AJAP1: variants seen among roughly 807,000 people sequenced by gnomAD.
The protein encoded by AJAP1 is adherens junction-associated protein 1.
A neutral mutation model predicts 35.0 loss-of-function variants in AJAP1; 5 were observed. The observed-to-expected ratio is 0.14, with a 90% CI of 0.07 to 0.30. AJAP1 has a LOEUF of 0.30. Ranked by LOEUF, AJAP1 falls within the 10% of genes least tolerant of loss-of-function variation. AJAP1 has a pLI of 1.00. For synonymous variants in AJAP1, 284 were observed against 249.3 expected (o/e 1.14, Z -1.31); for missense variants, 586 against 571.0 (o/e 1.03, Z -0.27).
chr1:4,765,292 A>C (rs1641658728), intron 2 of AJAP1, among the ~76,000 whole-genome samples: 1 of 152,110 alleles, frequency 6.6e-6, no homozygotes, highest in African/African-American at 2.4e-5. Context: ...GGGCATAGAG[A>C]GTGTGCTCCC....
In AJAP1 at chr1:4,783,467, GTGTGTATATATATATATATATATA is replaced by G. The variant is rs1642104734; in HGVS notation, c.*984_*1007del. 3.2e-5 allele frequency: 1 copy of G among 31,364 alleles called. No individual in the cohort carries two copies. Among genetic ancestry groups the G allele is most frequent in the Non-Finnish European group, 5.1e-5 (1 of 19,652 alleles). 1.9% of individuals were successfully genotyped at this position (31,364 alleles called of 1,614,324 possible). A position where few individuals can be genotyped will look rare whatever the true frequency, so the allele number is the denominator to read the frequency against. On this transcript the variant is annotated 3_prime_UTR_variant, in exon 6 of 6. Transcript: ENST00000378191. ...AAGAATGCCAAGGTTTTATATATGTGTGTGTATATATATATATATATATATATATATATATATATATATGTTTGT... is the reference window on the plus strand; with the variant it reads ...AAGAATGCCAAGGTTTTATATATGTGTATATATATATATATATATGTTTGT...
intron 1 of AJAP1, among the ~76,000 whole-genome samples, chr1:4,698,178 C>A (rs1639909213): frequency 6.6e-6 from 1 of 152,250 alleles, no homozygotes; most frequent in Admixed American, 6.5e-5. Flanking sequence ...GCGTGTTTCC[C>A]CGTCACTATG....
In AJAP1 at chr1:4,779,226, G is replaced by T. The variant is rs184841300; in HGVS notation, c.*60-3319G>T. ...AACTTGAAATCAGGGAAGCTGGAAC[G>T]TAGAGAGGAAGAAGAAGAGGAAGAG... is the stretch of plus-strand genomic sequence containing the variant. On this transcript the variant is annotated intron_variant, in intron 5 of 5. Coordinates refer to ENST00000378191, the MANE Select transcript of AJAP1 (RefSeq NM_018836.4). Among the ~76,000 whole-genome samples, 407 of 152,328 alleles carry T rather than the reference G, an allele frequency of 2.7e-3. 3 individuals are homozygous for T. Among genetic ancestry groups the T allele is most frequent in the African/African-American group, 7.5e-3 (311 of 41,580 alleles).
chr1:4,696,047 T>C (rs1242187066), intron 1 of AJAP1, among the ~76,000 whole-genome samples: 1 of 151,944 alleles, frequency 6.6e-6, no homozygotes, highest in Non-Finnish European at 1.5e-5. Context: ...AGTGGAGAAT[T>C]GTGTGTGTCT....
chr1:4,680,378 A>G (rs1639455921), intron 1 of AJAP1, among the ~76,000 whole-genome samples: 1 of 152,186 alleles, frequency 6.6e-6, no homozygotes. Flanking sequence ...CCTCATCTTA[A>G]ATACATCTTC....
Position 4,655,043 on chromosome 1 carries a change from C to T in AJAP1, c.-383C>T, listed in dbSNP as rs2100495395. The T allele has an allele frequency of 1.3e-5, 2 of 150,888 alleles. No homozygotes were observed. The highest frequency in any genetic ancestry group is 6.6e-5 in the Admixed American group (1 of 15,176). The allele number at this position is 150,888 out of a possible 1,614,324, so 9.3% of individuals were successfully genotyped here. On this transcript the variant is annotated 5_prime_UTR_variant, in exon 1 of 6. Transcript: ENST00000378191. This position sits in a 1 kb window ranked among gnomAD's most constrained non-coding sequence, Gnocchi z 6.9. ...GAGCGGCAGCGCCGCCGGCCTCCCT[C>T]CTCGCCGCCCCGGAGGGCGAAGCCG... is the stretch of plus-strand genomic sequence containing the variant.
chr1:4,663,192 T>A (rs543721389), intron 1 of AJAP1, among the ~76,000 whole-genome samples: 1 of 152,182 alleles, frequency 6.6e-6, no homozygotes, highest in African/African-American at 2.4e-5. Context: ...TTGCCCAGGC[T>A]GGTCTCAAAT....
At chr1:4,776,840 A>G (rs1219858183) in intron 5 of AJAP1, among the ~76,000 whole-genome samples, 1 of 151,786 alleles carries the variant, frequency 6.6e-6, no homozygotes, top group African/African-American at 2.4e-5. Context: ...TAAAGAGCTG[A>G]CCCCCTCCCT....
rs772393541 is a variant in AJAP1, at chr1:4,684,689, C to T, written c.30-27211C>T. Among the ~76,000 whole-genome samples the T allele has an allele frequency of 7.8e-4, 119 of 152,276 alleles. 1 individual carries two copies. Among genetic ancestry groups the T allele is most frequent in the Admixed American group, 3.4e-3 (52 of 15,306 alleles). Reference sequence around the variant, plus strand: ...ACATCATTCAAGACAGACATCTATCCATTTCACAGGTGGGAACCCTGAGGC... The same window carrying T: ...ACATCATTCAAGACAGACATCTATCTATTTCACAGGTGGGAACCCTGAGGC... On this transcript the variant is annotated intron_variant, in intron 1 of 5. Transcript: ENST00000378191.
chr1:4,697,102 T>C (rs1639880787), intron 1 of AJAP1, among the ~76,000 whole-genome samples: 1 of 152,226 alleles, frequency 6.6e-6, no homozygotes, highest in Non-Finnish European at 1.5e-5. Context: ...TTTCTGTATA[T>C]GCATGTATCA....
At chr1:4,770,020 C>T in intron 3 of AJAP1, 80 bp downstream of exon 3, 1 of 1,249,568 alleles carries the variant, frequency 8.0e-7, no homozygotes, top group Non-Finnish European at 1.2e-6. Context: ...AAGGCCCCTA[C>T]TTTTCAAAGC....
chr1:4,715,798 T>G (rs1216888507), intron 2 of AJAP1, among the ~76,000 whole-genome samples: 1 of 152,256 alleles, frequency 6.6e-6, no homozygotes, highest in Non-Finnish European at 1.5e-5. Flanking sequence ...TATTCGTTGT[T>G]TTTATACCCA....
intron 1 of AJAP1, among the ~76,000 whole-genome samples, chr1:4,682,939 T>G (rs1434050562): frequency 6.6e-6 from 1 of 152,092 alleles, no homozygotes; most frequent in African/African-American, 2.4e-5. Flanking sequence ...TGAGAATGAT[T>G]GTGATTATTC....
intron 2 of AJAP1, among the ~76,000 whole-genome samples, chr1:4,721,055 A>G (rs1203846317): frequency 6.6e-6 from 1 of 152,240 alleles, no homozygotes; most frequent in Non-Finnish European, 1.5e-5. Context: ...ACATAGCTGG[A>G]ATAGCACTTT....
At chr1:4,776,156 G>A (rs370831914) in intron 5 of AJAP1, among the ~76,000 whole-genome samples, 474 of 152,348 alleles carry the variant, frequency 3.1e-3, no homozygotes, top group African/African-American at 0.011. Flanking sequence ...CCCGTAATAC[G>A]GATGTTTGCA....
At chr1:4,758,882 A>G (rs2100343380) in intron 2 of AJAP1, among the ~76,000 whole-genome samples, 1 of 152,284 alleles carries the variant, frequency 6.6e-6, no homozygotes, top group South Asian at 2.1e-4. Context: ...CCTCTACCCG[A>G]GATCCCAGGA....
chr1:4,725,507 C>T (rs1391502648), intron 2 of AJAP1, among the ~76,000 whole-genome samples: 2 of 152,148 alleles, frequency 1.3e-5, no homozygotes, highest in Non-Finnish European at 2.9e-5. Flanking sequence ...TTCACACCCA[C>T]CTCCCCTTCG....
intron 5 of AJAP1, among the ~76,000 whole-genome samples, chr1:4,776,988 G>A (rs1641953800): frequency 6.6e-6 from 1 of 152,214 alleles, no homozygotes; most frequent in South Asian, 2.1e-4. Context: ...CTGTGGACCA[G>A]GAGGGCTATG....
In AJAP1 at chr1:4,784,080, A is replaced by T. The variant is rs142292516; in HGVS notation, c.*1595A>T. On this transcript the variant is annotated 3_prime_UTR_variant, in exon 6 of 6. Transcript: ENST00000378191. ...GGATGTTTCTGTTTTGTCACCGAGA[A>T]TCCTACTATAAACTACCCAGTGGAA... is the stretch of plus-strand genomic sequence containing the variant. 6.6e-6 allele frequency: 1 copy of T among 152,260 alleles called. No individual in the cohort carries two copies. Among genetic ancestry groups the T allele is most frequent in the African/African-American group, 2.4e-5 (1 of 41,548 alleles). The allele number at this position is 152,260 out of a possible 1,614,324, so 9.4% of individuals were successfully genotyped here.
Sources: allele counts gnomAD v4.1 joint callset (sites outside exome capture counted in the v4.1 genomes callset), GRCh38; gene constraint gnomAD v4.1.1; non-coding constraint Gnocchi (gnomAD v3.1); transcripts MANE v1.5; gene names NCBI Gene and HGNC (gene_info 2026-07-23, HGNC 2026-07-21).